Variants in SMC3 observed in about 807,000 individuals in gnomAD.
SMC3 encodes structural maintenance of chromosomes 3.
SMC3 carries 20 observed loss-of-function variants against 171.8 expected under a neutral mutation model. The observed-to-expected ratio is 0.12, with a 90% CI of 0.08 to 0.17. SMC3 has a LOEUF of 0.17. Ranked by LOEUF, SMC3 falls within the 10% of genes least tolerant of loss-of-function variation. The pLI, the probability that SMC3 is intolerant of heterozygous loss-of-function variation, is 1.00. For synonymous variants in SMC3, 464 were observed against 451.1 expected (o/e 1.03, Z -0.36); for missense variants, 543 against 1,420.4 (o/e 0.38, Z 9.93).
rs111315980 is a variant in SMC3, at chr10:110,605,068, A to G, written c.*766A>G. On this transcript the variant is annotated 3_prime_UTR_variant, in exon 29 of 29. Transcript: ENST00000361804. ...GTCCCTCAAATTAGGTTTGTCTAAT[A>G]TTTTTCTCATGGTTAGATTGGAGCT... is the stretch of plus-strand genomic sequence containing the variant. Among the ~76,000 whole-genome samples, 462 of 152,256 alleles carry G rather than the reference A, an allele frequency of 3.0e-3. 2 individuals carry two copies. The highest frequency in any genetic ancestry group is 5.4e-3 in the Non-Finnish European group (369 of 67,998).
At position 110,567,920 on chromosome 10, in the gene SMC3, C is replaced by CA. The variant is rs55750861; in HGVS notation, c.15+89_15+90insA. ...TGTTGCGGCGCCACCCGCAGCCTCT[C>CA]CCCTGTCTCCACAGGCTGGACCAGG... On this transcript the variant is annotated intron_variant, in intron 1 of 28. Transcript: ENST00000361804. 1,356,306 of 1,500,992 alleles carry CA rather than the reference C, an allele frequency of 0.9. 617,965 individuals carry two copies. Among genetic ancestry groups the CA allele is most frequent in the East Asian group, 0.96 (41,588 of 43,454 alleles). The allele number at this position is 1,500,992 out of a possible 1,614,324, so 93.0% of individuals were successfully genotyped here.
Position 110,575,391 on chromosome 10 carries a change from G to C in SMC3, c.186G>C (p.Leu62Phe). The C allele has an allele frequency of 6.2e-7, 1 of 1,612,516 alleles. No homozygotes were observed. Among genetic ancestry groups the C allele is most frequent in the Non-Finnish European group, 8.5e-7 (1 of 1,178,768 alleles). The change falls in exon 4 of 29, where the codon TTG becomes TTC. Residue 62 changes from leucine (L) to phenylalanine (F), a missense_variant. Around this residue, in one of 8 missense-constraint regions of SMC3, gnomAD observed 146 missense variants for 437.9 expected, o/e 0.33. Transcript: ENST00000361804. ...GTCATCTTCGTCCAGAACAGCGGTT[G>C]GCTTTATTGCATGTGAGTGAGACTG... is the stretch of plus-strand genomic sequence containing the variant. ...EFSHLRPEQR[L>F]ALLHEGTGPR...
At chr10:110,578,603 A>G (rs763775786) in intron 6 of SMC3, 25 bp from the exon 7 acceptor site, 4 of 1,565,672 alleles carry the variant, frequency 2.6e-6, no homozygotes, top group Non-Finnish European at 3.5e-6. Flanking sequence ...ATTTATCGGA[A>G]AGTAATTTCA....
In SMC3 at chr10:110,568,301, C is replaced by T. The variant is rs140412533; in HGVS notation, c.15+470C>T. On this transcript the variant is annotated intron_variant, in intron 1 of 28. Transcript: ENST00000361804. ...CTGGGGGCATTGGCTGGGGTGTCGT[C>T]ACCTGTCACTGCGGGGAGCCGTTCT... 1,682 of 185,670 alleles carry T rather than the reference C, an allele frequency of 9.1e-3. 15 individuals are homozygous for T. The highest frequency in any genetic ancestry group is 0.012 in the Non-Finnish European group (1,119 of 90,268). 11.5% of individuals were successfully genotyped at this position (185,670 alleles called of 1,614,324 possible).
At position 110,605,937 on chromosome 10, in the gene SMC3, A is replaced by T. The variant is rs1447897646; in HGVS notation, c.*1635A>T. 6.6e-6 allele frequency among the ~76,000 whole-genome samples: 1 copy of T among 152,228 alleles called. No individual in the cohort carries two copies. Among genetic ancestry groups the T allele is most frequent in the Non-Finnish European group, 1.5e-5 (1 of 68,026 alleles). On this transcript the variant is annotated 3_prime_UTR_variant, in exon 29 of 29. Transcript: ENST00000361804. Reference sequence around the variant, plus strand: ...TCAATTCAAGGGATGTTACAAACATAACATCATTCTAGAACTTCTTAATAT... The same window carrying T: ...TCAATTCAAGGGATGTTACAAACATTACATCATTCTAGAACTTCTTAATAT...
In SMC3 at chr10:110,593,178, A is replaced by T; in HGVS notation, c.1918A>T (p.Thr640Ser). ...TLICRSMEVS[T>S]QLARAFTMDC... ...TATTTGTCGTAGCATGGAAGTTTCA[A>T]CCCAGCTGGCCCGTGCTTTCACTAT... Residue 640 changes from threonine to serine, a missense_variant, in exon 18 of 29, where the codon ACC becomes TCC. By Grantham distance (58) the Thr-to-Ser change is moderately conservative. Around this residue, in one of 8 missense-constraint regions of SMC3, gnomAD observed 218 missense variants for 509.6 expected, o/e 0.43. Transcript: ENST00000361804. 1 of 1,614,182 alleles carries T rather than the reference A, an allele frequency of 6.2e-7. No homozygotes were observed. The highest frequency in any genetic ancestry group is 8.5e-7 in the Non-Finnish European group (1 of 1,180,018).
At chr10:110,572,319 C>T (rs1860884124) in intron 2 of SMC3, among the ~76,000 whole-genome samples, 1 of 152,116 alleles carries the variant, frequency 6.6e-6, no homozygotes, top group African/African-American at 2.4e-5. Flanking sequence ...GTAATCTGTC[C>T]ATTTTCCAGT....
At position 110,582,051 on chromosome 10, in the gene SMC3, A is replaced by G; in HGVS notation, c.676A>G (p.Thr226Ala). The G allele has an allele frequency of 6.2e-7, 1 of 1,613,866 alleles. No individual in the cohort carries two copies. The highest frequency in any genetic ancestry group is 8.5e-7 in the Non-Finnish European group (1 of 1,179,834). Residue 226 changes from threonine to alanine, a missense_variant, in exon 9 of 29, where the codon ACC (threonine) becomes GCC (alanine). Coordinates refer to ENST00000361804, the MANE Select transcript of SMC3 (RefSeq NM_005445.4). ...TAAAATGAGACGAGCCCTGGAATATACCATTTACAATCAGGAACTTAACGA... is the reference window on the plus strand; with the variant it reads ...TAAAATGAGACGAGCCCTGGAATATGCCATTTACAATCAGGAACTTAACGA... The part of the protein sequence containing the change: ...WDKMRRALEY[T>A]IYNQELNETR...
chr10:110,595,405 A>T (rs1270780462), intron 18 of SMC3, among the ~76,000 whole-genome samples: 1 of 152,212 alleles, frequency 6.6e-6, no homozygotes, highest in Non-Finnish European at 1.5e-5. Flanking sequence ...GTTGGCATGA[A>T]TGCTACATGA....
Position 110,604,313 on chromosome 10 carries a change from C to T in SMC3, c.*11C>T, listed in dbSNP as rs371970542. The T allele has an allele frequency of 1.9e-6, 3 of 1,585,296 alleles. No individual in the cohort carries two copies. Among genetic ancestry groups the T allele is most frequent in the Non-Finnish European group, 2.6e-6 (3 of 1,156,124 alleles). The stretch of plus-strand genomic sequence containing the variant: ...ACCACACATGGTTAATTGGAAAATA[C>T]TACCTACTGGTTTGGGAGATGTATA... On this transcript the variant is annotated 3_prime_UTR_variant, in exon 29 of 29. Transcript: ENST00000361804.
At chr10:110,585,954 C>T (rs1035720895) in intron 13 of SMC3, among the ~76,000 whole-genome samples, 3 of 151,916 alleles carry the variant, frequency 2.0e-5, no homozygotes, top group Non-Finnish European at 2.9e-5. Flanking sequence ...CATGCCACCA[C>T]GCCTGGCTAA....
Position 110,593,330 on chromosome 10 carries a change from G to C in SMC3, c.1963+107G>C. 2.6e-6 allele frequency: 3 copies of C among 1,147,608 alleles called. No individual in the cohort carries two copies. The South Asian group carries it at 3.9e-5, about 15-fold the overall frequency. The allele number at this position is 1,147,608 out of a possible 1,614,324, so 71.1% of individuals were successfully genotyped here. On this transcript the variant is annotated intron_variant, in intron 18 of 28. Coordinates refer to ENST00000361804, the MANE Select transcript of SMC3 (RefSeq NM_005445.4). ...CTCATGCCTGTAATCCCAGCACTTT[G>C]GGAGGCTGAGGCGGGTGGATCACCT...
At position 110,605,530 on chromosome 10, in the gene SMC3, C is replaced by T. The variant is rs1359188721; in HGVS notation, c.*1228C>T. On this transcript the variant is annotated 3_prime_UTR_variant, in exon 29 of 29. Transcript: ENST00000361804. ...GAAACCAGAAATACCTAAAGAGATA[C>T]TTTTAAAATAAAGAAATAGTAATGG... Among the ~76,000 whole-genome samples the T allele has an allele frequency of 6.6e-6, 1 of 152,102 alleles. No individual in the cohort carries two copies. Among genetic ancestry groups the T allele is most frequent in the Non-Finnish European group, 1.5e-5 (1 of 68,012 alleles).
intron 18 of SMC3, among the ~76,000 whole-genome samples, chr10:110,593,919 C>T (rs902441927): frequency 6.6e-6 from 1 of 151,984 alleles, no homozygotes; most frequent in Non-Finnish European, 1.5e-5. Context: ...ACCTGGGAGG[C>T]AGAGGGTGCA....
In SMC3 at chr10:110,589,559, ATT is replaced by A. The variant is rs537642836; in HGVS notation, c.1306-45_1306-44del. On this transcript the variant is annotated intron_variant, in intron 13 of 28. Transcript: ENST00000361804. ...ACTGATCTGCTTTCTATCAGTGTAG[ATT>A]AGTTTCATGAAATTGAATTTTAAAT... The A allele has an allele frequency of 8.4e-4, 1,034 of 1,232,510 alleles. 10 individuals carry two copies. In the South Asian group the frequency reaches 0.013, roughly 15 times the overall value. 76.3% of individuals were successfully genotyped at this position (1,232,510 alleles called of 1,614,324 possible).
chr10:110,603,314 T>G, intron 28 of SMC3, 24 bp downstream of exon 28: 1 of 1,335,908 alleles, frequency 7.5e-7, no homozygotes, highest in Non-Finnish European at 1.1e-6. Context: ...ACATTGAGTT[T>G]AAGTTTGTAT....
chr10:110,581,418 C>T (rs979590628), intron 8 of SMC3, among the ~76,000 whole-genome samples: 3 of 151,972 alleles, frequency 2.0e-5, no homozygotes, highest in African/African-American at 7.3e-5. Context: ...AGGGTTTCAC[C>T]ATGTTGTCCA....
rs115243576 is a variant in SMC3 at position 110,577,216 on chromosome 10, A to G, written c.199-205A>G. Reference sequence around the variant, plus strand: ...TGTTTTGGCAAGAGGGATATATACTATAACTCTGGGGATATCCCCAAAGTA... The same window carrying G: ...TGTTTTGGCAAGAGGGATATATACTGTAACTCTGGGGATATCCCCAAAGTA... On this transcript the variant is annotated intron_variant, in intron 4 of 28. Coordinates refer to ENST00000361804, the MANE Select transcript of SMC3 (RefSeq NM_005445.4). Among the ~76,000 whole-genome samples, 3,022 of 152,214 alleles carry G rather than the reference A, an allele frequency of 0.02. 98 individuals are homozygous for G. The highest frequency in any genetic ancestry group is 0.067 in the African/African-American group (2,776 of 41,558).
intron 5 of SMC3, 86 bp downstream of exon 5, chr10:110,577,578 A>T: frequency 1.1e-6 from 1 of 896,140 alleles, no homozygotes; most frequent in East Asian, 2.6e-5. Context: ...TTAAGCTTTT[A>T]TAATTTGTTA....
Sources: gnomAD v4.1 joint callset for allele counts (sites outside exome capture counted in the v4.1 genomes callset) on GRCh38, gnomAD v4.1.1 for gene constraint, gnomAD v4.1.1 regional missense constraint, MANE v1.5 for transcripts, NCBI Gene and HGNC (gene_info 2026-07-23, HGNC 2026-07-21) for gene names.